The following XAB2 variants were observed in gnomAD, a reference collection of about 807,000 sequenced individuals.
XAB2 encodes the protein pre-mRNA-splicing factor SYF1.
A neutral mutation model predicts 113.4 loss-of-function variants in XAB2; 57 were observed. The ratio of observed to expected loss-of-function variants is 0.50; its 90% confidence interval spans 0.41 to 0.63. The LOEUF (loss-of-function observed/expected upper bound fraction) is 0.63, where lower values mean the gene tolerates loss of function less well. Ranked by LOEUF, XAB2 falls within the 20% of genes least tolerant of loss-of-function variation. The pLI, the probability that XAB2 is intolerant of heterozygous loss-of-function variation, is 0.00. For synonymous variants in XAB2, 497 were observed against 498.8 expected (o/e 1.00, Z 0.05); for missense variants, 1,037 against 1,233.3 (o/e 0.84, Z 2.38).
intron 12 of XAB2, 99 bp downstream of exon 12, chr19:7,622,232 A>G: frequency 1.8e-6 from 2 of 1,128,394 alleles, no homozygotes; most frequent in South Asian, 1.3e-5. Flanking sequence ...CAGTCTGTAT[A>G]CTGTGTCACA....
At chr19:7,626,088 T>C in intron 5 of XAB2, 44 bp from the exon 6 acceptor site, 1 of 1,611,876 alleles carries the variant, frequency 6.2e-7, no homozygotes. Flanking sequence ...GGCTCAGTCA[T>C]GGAGGGGGTG....
At position 7,620,597 on chromosome 19, in the gene XAB2, C is replaced by T; in HGVS notation, c.2044G>A (p.Asp682Asn). The change falls in exon 15 of 19, where the codon GAC becomes AAC. Residue 682 changes from aspartate (D) to asparagine (N), a missense_variant. Coordinates refer to ENST00000358368, the MANE Select transcript of XAB2 (RefSeq NM_020196.3). ...AAGCTGTAGATGGCCCGGGCGCGGT[C>T]AATCTCCCCGAGCTTGCACTCCATG... ...ADMECKLGEI[D>N]RARAIYSFCS... The T allele has an allele frequency of 6.2e-7, 1 of 1,613,350 alleles. No homozygotes were observed. The highest frequency in any genetic ancestry group is 8.5e-7 in the Non-Finnish European group (1 of 1,179,958).
In XAB2 at chr19:7,623,131, C is replaced by A; in HGVS notation, c.1239+39G>T. 1 of 1,608,690 alleles carries A rather than the reference C, an allele frequency of 6.2e-7. No individual in the cohort carries two copies. The highest frequency in any genetic ancestry group is 1.1e-5 in the South Asian group (1 of 90,900). On this transcript the variant is annotated intron_variant, in intron 9 of 18. Coordinates refer to ENST00000358368, the MANE Select transcript of XAB2 (RefSeq NM_020196.3). This position sits in a 1 kb window ranked among gnomAD's most constrained non-coding sequence, Gnocchi z 4.6. ...ATGCACACATATACAAGCACACACA[C>A]ATGCATGAACACACAGGCACACGCA...
At chr19:7,622,467 G>C (rs201784717) in intron 11 of XAB2, 23 bp from the exon 12 acceptor site, 1 of 1,613,990 alleles carries the variant, frequency 6.2e-7, no homozygotes, top group East Asian at 2.2e-5. Flanking sequence ...GGATGGGAAA[G>C]GTTGGAGCTG....
chr19:7,621,959 G>T, intron 12 of XAB2: 1 of 229,802 alleles, frequency 4.4e-6, no homozygotes, highest in Non-Finnish European at 8.7e-6. Context: ...TCAGAAAGTA[G>T]ATTCGTTTGA....
chr19:7,619,553 GGGGGTGGGGAGGGGGGAT>G lies in XAB2; in HGVS notation c.*15_*32del. 1 of 1,452,422 alleles carries G rather than the reference GGGGGTGGGGAGGGGGGAT, an allele frequency of 6.9e-7. No individual in the cohort carries two copies. Among genetic ancestry groups the G allele is most frequent in the Non-Finnish European group, 9.2e-7 (1 of 1,081,190 alleles). The allele number at this position is 1,452,422 out of a possible 1,614,324, so 90.0% of individuals were successfully genotyped here. A position where few individuals can be genotyped will look rare whatever the true frequency, so the allele number is the denominator to read the frequency against. Reference sequence around the variant, plus strand: ...TGTACAAACGTAGCTGTATTGGGGAGGGGGTGGGGAGGGGGGATGGGGGAGGGACGGGTCAGTCTTCCT... The same window carrying G: ...TGTACAAACGTAGCTGTATTGGGGAGGGGGGAGGGACGGGTCAGTCTTCCT... On this transcript the variant is annotated 3_prime_UTR_variant, in exon 19 of 19. Coordinates refer to ENST00000358368, the MANE Select transcript of XAB2 (RefSeq NM_020196.3).
chr19:7,620,642 T>C lies in XAB2; in HGVS notation c.1999A>G (p.Met667Val). 6.2e-7 allele frequency: 1 copy of C among 1,612,994 alleles called. No homozygotes were observed. The highest frequency in any genetic ancestry group is 8.5e-7 in the Non-Finnish European group (1 of 1,179,932). ...EVLSDEHARE[M>V]CLRFADMECK... ...TCCATGTCTGCAAACCGCAGGCACA[T>C]CTCACGCGCGTGCTCGTCCGACAGC... The change falls in exon 15 of 19, where the codon ATG (methionine) becomes GTG (valine). Residue 667 changes from methionine (M) to valine (V), a missense_variant. By Grantham distance (21) the Met-to-Val change is conservative (BLOSUM62 1). Coordinates refer to ENST00000358368, the MANE Select transcript of XAB2 (RefSeq NM_020196.3).
intron 4 of XAB2, among the ~76,000 whole-genome samples, chr19:7,626,998 G>A (rs540294542): frequency 9.9e-5 from 15 of 152,158 alleles, no homozygotes; most frequent in Middle Eastern, 3.2e-3. Flanking sequence ...TAAAAGCTCC[G>A]TGCAGGCAGG....
intron 10 of XAB2, 42 bp from the exon 11 acceptor site, chr19:7,622,703 TC>T: frequency 6.2e-7 from 1 of 1,610,362 alleles, no homozygotes. Context: ...TCAGGGGCTG[TC>T]CCTGGCCCTT....
In XAB2 at chr19:7,625,337, C is replaced by T. The variant is rs766777176; in HGVS notation, c.822+543G>A. ...CACCCCACCTTAGTGGGGCCAAGGC[C>T]GCAGAGCCAGAGGGTGAACCCTGAA... On this transcript the variant is annotated intron_variant, in intron 6 of 18. Transcript: ENST00000358368. The surrounding 1 kb of genome is among the most constrained non-coding windows in gnomAD (Gnocchi z 5.2). Among the ~76,000 whole-genome samples, 45 of 152,190 alleles carry T rather than the reference C, an allele frequency of 3.0e-4. No homozygotes were observed. The highest frequency in any genetic ancestry group is 5.4e-4 in the Non-Finnish European group (37 of 68,044).
chr19:7,619,556 G>C lies in XAB2; in HGVS notation c.*30C>G, dbSNP rs2030979019. The C allele has an allele frequency of 8.2e-6, 12 of 1,468,474 alleles. No homozygotes were observed. The highest frequency in any genetic ancestry group is 1.4e-5 in the African/African-American group (1 of 70,080). The allele number at this position is 1,468,474 out of a possible 1,614,324, so 91.0% of individuals were successfully genotyped here. A position where few individuals can be genotyped will look rare whatever the true frequency, so the allele number is the denominator to read the frequency against. On this transcript the variant is annotated 3_prime_UTR_variant, in exon 19 of 19. Transcript: ENST00000358368. ...ACAAACGTAGCTGTATTGGGGAGGG[G>C]GTGGGGAGGGGGGATGGGGGAGGGA...
chr19:7,627,855 G>A lies in XAB2; in HGVS notation c.201-4C>T. ...GTATCGGTACCAGAGTTTGTAGCTG[G>A]GGAATAGGAGGGGACAGATGCTGAT... On this transcript the variant is annotated splice_region_variant and splice_polypyrimidine_tract_variant and intron_variant, in intron 2 of 18. Coordinates refer to ENST00000358368, the MANE Select transcript of XAB2 (RefSeq NM_020196.3). The surrounding 1 kb of genome is among the most constrained non-coding windows in gnomAD (Gnocchi z 4.5). 1 of 1,611,636 alleles carries A rather than the reference G, an allele frequency of 6.2e-7. No individual in the cohort carries two copies. Among genetic ancestry groups the A allele is most frequent in the South Asian group, 1.1e-5 (1 of 91,050 alleles).
chr19:7,621,924 T>G (rs978082995), intron 12 of XAB2: 12 of 217,300 alleles, frequency 5.5e-5, no homozygotes, highest in Non-Finnish European at 1.1e-4. Flanking sequence ...AACATTCATA[T>G]GCTCAAATCT....
At chr19:7,620,244 A>G (rs1568452753) in intron 16 of XAB2, 31 bp downstream of exon 16, 2 of 1,611,344 alleles carry the variant, frequency 1.2e-6, no homozygotes, top group Non-Finnish European at 1.7e-6. Flanking sequence ...GATGCCCTGG[A>G]TCAGGAACTC....
chr19:7,622,675 C>T lies in XAB2; in HGVS notation c.1372-14G>A. The T allele has an allele frequency of 6.2e-7, 1 of 1,612,050 alleles. No homozygotes were observed. On this transcript the variant is annotated splice_polypyrimidine_tract_variant and intron_variant, in intron 10 of 18. Coordinates refer to ENST00000358368, the MANE Select transcript of XAB2 (RefSeq NM_020196.3). The stretch of plus-strand genomic sequence containing the variant: ...CGCCGTGGCCTTCTGCAGGGGCAGA[C>T]AGTGGCCGGGGAGGCGCTCAGGGGC...
At chr19:7,620,777 C>G in intron 14 of XAB2, 69 bp downstream of exon 14, 1 of 1,569,928 alleles carries the variant, frequency 6.4e-7, no homozygotes, top group Admixed American at 1.8e-5. Context: ...TCAGCCCCTC[C>G]CACCTGCCTG....
chr19:7,626,254 G>A lies in XAB2; in HGVS notation c.539C>T (p.Ala180Val). 1.2e-6 allele frequency: 2 copies of A among 1,612,156 alleles called. No individual in the cohort carries two copies. The highest frequency in any genetic ancestry group is 2.7e-5 in the African/African-American group (2 of 75,078). ...CTTGAGGTACTCAATGTACTCCTCT[G>A]CACTCTCAGGACTCAGCTGGGGACC... ...RRFLKLSPESAEEYIEYLKSS... is the reference protein window; with the variant it reads ...RRFLKLSPESVEEYIEYLKSS... Residue 180 changes from alanine (A) to valine (V), a missense_variant, in exon 5 of 19, where the codon GCA becomes GTA. Transcript: ENST00000358368.
intron 17 of XAB2, 22 bp downstream of exon 17, chr19:7,619,924 C>T (rs1350229483): frequency 6.2e-7 from 1 of 1,610,036 alleles, no homozygotes; most frequent in Non-Finnish European, 8.5e-7. Context: ...CAGTCCTGTC[C>T]CGTCCAAGGA....
chr19:7,628,195 C>T lies in XAB2; in HGVS notation c.155G>A (p.Arg52Lys), dbSNP rs151246967. Reference sequence around the variant, plus strand: ...TGCCCGCTCGTATAGCTGATTGAGCCTGGGCTTCGGGGCGCCCTGTTTGAA... The same window carrying T: ...TGCCCGCTCGTATAGCTGATTGAGCTTGGGCTTCGGGGCGCCCTGTTTGAA... ...IEFKQGAPKP[R>K]LNQLYERALK... is the part of the protein sequence containing the mutation. The change falls in exon 2 of 19, where the codon AGG becomes AAG. Residue 52 changes from arginine to lysine, a missense_variant. Physicochemically the swap from Arg to Lys is conservative, Grantham distance 26. Transcript: ENST00000358368. This position sits in a 1 kb window ranked among gnomAD's most constrained non-coding sequence, Gnocchi z 4.6. The T allele has an allele frequency of 8.1e-6, 13 of 1,614,062 alleles. No individual in the cohort carries two copies. In the African/African-American group the frequency reaches 1.6e-4, roughly 20 times the overall value.
Sources: gnomAD v4.1 joint callset for allele counts (sites outside exome capture counted in the v4.1 genomes callset) on GRCh38, gnomAD v4.1.1 for gene constraint, Gnocchi (gnomAD v3.1) non-coding constraint, MANE v1.5 for transcripts, NCBI Gene and HGNC (gene_info 2026-07-23, HGNC 2026-07-21) for gene names.